Variants in MIA3 observed in about 807,000 individuals in gnomAD.
MIA3 encodes the protein transport and Golgi organization protein 1 homolog.
In MIA3, 90 loss-of-function variants were observed where a neutral mutation model predicts 192.4. That is an observed-to-expected ratio of 0.47 (90% CI 0.39 to 0.56). MIA3 has a LOEUF of 0.56. MIA3 is among the 20% of genes least tolerant of loss of function. MIA3 has a pLI of 0.00. For missense variants in MIA3, 2,123 were observed against 2,269.4 expected (o/e 0.94, Z 1.31); for synonymous variants, 740 against 792.8 (o/e 0.93, Z 1.12).
intron 6 of MIA3, among the ~76,000 whole-genome samples, chr1:222,639,949 A>G (rs888571109): frequency 2.6e-5 from 4 of 151,326 alleles, no homozygotes; most frequent in Non-Finnish European, 4.4e-5. Flanking sequence ...TTTTTTGCAG[A>G]CAACATGCAT....
chr1:222,621,159 T>C lies in MIA3; in HGVS notation c.134T>C (p.Met45Thr). The C allele has an allele frequency of 6.2e-7, 1 of 1,608,230 alleles. No individual in the cohort carries two copies. Among genetic ancestry groups the C allele is most frequent in the Non-Finnish European group, 8.5e-7 (1 of 1,178,014 alleles). Residue 45 changes from methionine (M) to threonine (T), a missense_variant and splice_region_variant, in exon 2 of 28, where the codon ATG becomes ACG. By Grantham distance (81) the Met-to-Thr change is moderately conservative. Coordinates refer to ENST00000344922, the MANE Select transcript of MIA3 (RefSeq NM_198551.4). ...TTTTTTTCTCTCTCTTTATATACAG[T>C]GTTAATGTACCGCGGTGAGGCTCTT... ...HKLCADDECS[M>T]LMYRGEALED...
chr1:222,627,823 G>C lies in MIA3; in HGVS notation c.603G>C (p.Gln201His). 6.2e-7 allele frequency: 1 copy of C among 1,614,046 alleles called. No individual in the cohort carries two copies. Among genetic ancestry groups the C allele is most frequent in the Non-Finnish European group, 8.5e-7 (1 of 1,180,020 alleles). The change falls in exon 4 of 28, where the codon CAG becomes CAC. Residue 201 changes from glutamine to histidine, a missense_variant. Physicochemically the swap from Gln to His is conservative, Grantham distance 24. Coordinates refer to ENST00000344922, the MANE Select transcript of MIA3 (RefSeq NM_198551.4). ...SVFSENTEDL[Q>H]EQFTTQKHHS... ...TCTCAGAAAACACTGAGGATCTTCAGGAACAGTTTACAACTCAGAAGCACC... is the reference window on the plus strand; with the variant it reads ...TCTCAGAAAACACTGAGGATCTTCACGAACAGTTTACAACTCAGAAGCACC...
Position 222,629,410 on chromosome 1 carries a change from A to T in MIA3, c.2190A>T (p.Leu730=). ...VEEDDYPSEE[L]LEDENAINAK... is the part of the protein sequence containing the mutation. Reference sequence around the variant, plus strand: ...AGGATGATTATCCCTCTGAAGAACTACTAGAGGATGAAAACGCTATAAATG... The same window carrying T: ...AGGATGATTATCCCTCTGAAGAACTTCTAGAGGATGAAAACGCTATAAATG... Residue 730 remains leucine (L), a synonymous_variant, in exon 4 of 28, where the codon CTA becomes CTT. Coordinates refer to ENST00000344922, the MANE Select transcript of MIA3 (RefSeq NM_198551.4). 6.2e-7 allele frequency: 1 copy of T among 1,614,224 alleles called. No individual in the cohort carries two copies. The highest frequency in any genetic ancestry group is 8.5e-7 in the Non-Finnish European group (1 of 1,180,030).
chr1:222,641,483 C>T, intron 6 of MIA3: 1 of 499,316 alleles, frequency 2.0e-6, no homozygotes, highest in Non-Finnish European at 4.0e-6. Context: ...TCATCATTTC[C>T]ATGACAGCAT....
chr1:222,629,585 GA>G lies in MIA3; in HGVS notation c.2371del (p.Thr791GlnfsTer44), dbSNP rs1662295676. 6.2e-7 allele frequency: 1 copy of G among 1,613,936 alleles called. No individual in the cohort carries two copies. The highest frequency in any genetic ancestry group is 1.3e-5 in the African/African-American group (1 of 75,014). On this transcript the variant is annotated frameshift_variant, in exon 4 of 28. Transcript: ENST00000344922. LOFTEE classifies it high-confidence loss of function. ...KQETSMILDS[E>X]KTSETAAKGV... ...AGAAACTAGTATGATTTTGGATAGC[GA>G]AAAAACAAGTGAGACTGCTGCCAAA...
intron 18 of MIA3, among the ~76,000 whole-genome samples, chr1:222,656,275 G>C (rs1043804889): frequency 3.8e-4 from 58 of 151,912 alleles, no homozygotes; most frequent in African/African-American, 1.3e-3. Flanking sequence ...CCCGGCCAAA[G>C]AATATACTTT....
intron 5 of MIA3, 41 bp from the exon 6 acceptor site, chr1:222,633,063 A>G: frequency 1.3e-6 from 2 of 1,552,474 alleles, no homozygotes; most frequent in Non-Finnish European, 1.7e-6. Context: ...GAGAATTCTT[A>G]TTCTAAAGCA....
rs938929813 is a variant in MIA3, at chr1:222,667,392, C to T, written c.*1773C>T. 1.3e-5 allele frequency: 2 copies of T among 152,080 alleles called. No individual in the cohort carries two copies. The highest frequency in any genetic ancestry group is 4.8e-5 in the African/African-American group (2 of 41,394). The allele number at this position is 152,080 out of a possible 1,614,324, so 9.4% of individuals were successfully genotyped here. On this transcript the variant is annotated 3_prime_UTR_variant, in exon 28 of 28. Coordinates refer to ENST00000344922, the MANE Select transcript of MIA3 (RefSeq NM_198551.4). ...GTCAATATCTCTTTAGGACACAAAA[C>T]AATGCTGAAGTTAATATAATTTCTA...
At chr1:222,648,761 A>T in intron 7 of MIA3, 68 bp from the exon 8 acceptor site, 1 of 911,042 alleles carries the variant, frequency 1.1e-6, no homozygotes, top group East Asian at 2.5e-5. Context: ...TGACAGTTGT[A>T]TTAGAAACTA....
chr1:222,665,614 C>T lies in MIA3; in HGVS notation c.5719C>T (p.Pro1907Ser), dbSNP rs1664247623. The change falls in exon 28 of 28, where the codon CCA becomes TCA. Residue 1907 changes from proline to serine, a missense_variant. Coordinates refer to ENST00000344922, the MANE Select transcript of MIA3 (RefSeq NM_198551.4). ...QDCSQALKQS[P>S] ...CTGTTCACAGGCTTTAAAACAGAGC[C>T]CATAAAACTATGACCTCTGAGGTTT... is the stretch of plus-strand genomic sequence containing the variant. 1 of 1,579,092 alleles carries T rather than the reference C, an allele frequency of 6.3e-7. No individual in the cohort carries two copies. The highest frequency in any genetic ancestry group is 2.3e-5 in the East Asian group (1 of 44,444).
At chr1:222,627,057 T>C (rs1280581159) in intron 3 of MIA3, among the ~76,000 whole-genome samples, 2 of 152,144 alleles carry the variant, frequency 1.3e-5, no homozygotes, top group African/African-American at 2.4e-5. Flanking sequence ...CAAAACAAAA[T>C]TGAGAGACCC....
chr1:222,636,506 C>CTTTTTTTTTTTTTTTTTTTTTTTTTTT (rs34208115), intron 6 of MIA3, among the ~76,000 whole-genome samples: 1 of 74,038 alleles, frequency 1.4e-5, no homozygotes, highest in Non-Finnish European at 2.8e-5. Flanking sequence ...TAGTGTCCAT[C>CTTTTTTTTTTTTTTTTTTTTTTTTTTT]TTTTTTTTTT....
chr1:222,657,073 T>G (rs1663769364), intron 18 of MIA3, among the ~76,000 whole-genome samples: 2 of 152,146 alleles, frequency 1.3e-5, no homozygotes, highest in South Asian at 4.1e-4. Context: ...TTTGATGGAG[T>G]GGTGAACATT....
intron 2 of MIA3, among the ~76,000 whole-genome samples, chr1:222,622,822 C>A (rs9441926): frequency 0.72 from 109,404 of 151,594 alleles, 40,069 homozygotes; most frequent in Non-Finnish European, 0.8. Flanking sequence ...TCATTCACGT[C>A]TTCATCTCTG....
chr1:222,659,089 A>G (rs1279889165), intron 19 of MIA3: 1 of 426,124 alleles, frequency 2.3e-6, no homozygotes, highest in East Asian at 4.3e-5. Flanking sequence ...AAAAGCCATT[A>G]AAGTGATTTT....
In MIA3 at chr1:222,650,898, G is replaced by A; in HGVS notation, c.3904G>A (p.Asp1302Asn). 1 of 1,584,450 alleles carries A rather than the reference G, an allele frequency of 6.3e-7. No homozygotes were observed. Among genetic ancestry groups the A allele is most frequent in the Non-Finnish European group, 8.6e-7 (1 of 1,161,956 alleles). Residue 1302 changes from aspartate to asparagine, a missense_variant, in exon 11 of 28, where the codon GAC becomes AAC. Physicochemically the swap from Asp to Asn is conservative, Grantham distance 23 (BLOSUM62 1). Transcript: ENST00000344922. ...SEREQNVKNQ[D>N]LISENKKSIE... ...GAGAGAACAGAATGTCAAGAATCAG[G>A]ACTTGGTAAGAGTTTTGCTGCTAAG... is the stretch of plus-strand genomic sequence containing the variant.
intron 4 of MIA3, 117 bp from the exon 5 acceptor site, chr1:222,632,048 C>T: frequency 3.9e-6 from 3 of 778,010 alleles, no homozygotes; most frequent in Non-Finnish European, 4.1e-6. Context: ...CAGTTGTGCT[C>T]CATGGGATGC....
intron 6 of MIA3, 81 bp downstream of exon 6, chr1:222,633,330 C>A: frequency 1.7e-6 from 2 of 1,167,724 alleles, no homozygotes; most frequent in South Asian, 1.5e-5. Context: ...AGGTGAAGAA[C>A]TTAAAATGTC....
At chr1:222,637,284 A>G (rs904924074) in intron 6 of MIA3, among the ~76,000 whole-genome samples, 4 of 152,200 alleles carry the variant, frequency 2.6e-5, no homozygotes, top group Non-Finnish European at 1.5e-5. Context: ...TGATAGTTGC[A>G]TCAGTAGTCA....
Sources: allele counts gnomAD v4.1 joint callset (sites outside exome capture counted in the v4.1 genomes callset), GRCh38; gene constraint gnomAD v4.1.1; transcripts MANE v1.5; gene names NCBI Gene and HGNC (gene_info 2026-07-23, HGNC 2026-07-21).